The following PCGF5 variants were observed in gnomAD, a reference collection of about 807,000 sequenced individuals.
The protein encoded by PCGF5 is polycomb group RING finger protein 5.
In PCGF5, 9 loss-of-function variants were observed where a neutral mutation model predicts 44.3. The observed-to-expected ratio is 0.20, with a 90% CI of 0.12 to 0.35. The LOEUF (loss-of-function observed/expected upper bound fraction) is 0.35, where lower values mean the gene tolerates loss of function less well. Ranked by LOEUF, PCGF5 falls within the 10% of genes least tolerant of loss-of-function variation. The pLI, the probability that PCGF5 is intolerant of heterozygous loss-of-function variation, is 1.00. For synonymous variants in PCGF5, 95 were observed against 102.5 expected, an observed-to-expected ratio of 0.93 and a Z score of 0.44; for missense variants, 146 against 305.3, an observed-to-expected ratio of 0.48 and a Z score of 3.89.
chr10:91,196,976 A>G (rs1338775020), intron 1 of PCGF5, among the ~76,000 whole-genome samples: 2 of 152,208 alleles, frequency 1.3e-5, no homozygotes, highest in Non-Finnish European at 2.9e-5. Flanking sequence ...TATCCTGTGC[A>G]TGATGTGGAA....
chr10:91,178,307 A>G (rs781082798), intron 1 of PCGF5, among the ~76,000 whole-genome samples: 3 of 152,128 alleles, frequency 2.0e-5, no homozygotes, highest in Non-Finnish European at 2.9e-5. Context: ...GTCAGAAGAA[A>G]TTGCTAAAAT....
intron 6 of PCGF5, among the ~76,000 whole-genome samples, chr10:91,252,522 T>C (rs773157543): frequency 6.6e-6 from 1 of 152,054 alleles, no homozygotes; most frequent in Non-Finnish European, 1.5e-5. Flanking sequence ...TTAGGTCTTA[T>C]ACATACAAAT....
intron 1 of PCGF5, among the ~76,000 whole-genome samples, chr10:91,163,853 A>C (rs2133151973): frequency 2.0e-5 from 3 of 150,502 alleles, no homozygotes; most frequent in African/African-American, 4.9e-5. Context: ...GTGGGGGGGC[A>C]CGGACGGACG....
intron 9 of PCGF5, among the ~76,000 whole-genome samples, chr10:91,277,289 T>A (rs529066551): frequency 1.3e-5 from 2 of 152,350 alleles, no homozygotes; most frequent in South Asian, 4.1e-4. Flanking sequence ...TATGAAAGAA[T>A]ACAAAGTTCT....
chr10:91,256,526 A>G (rs895636331), intron 6 of PCGF5, among the ~76,000 whole-genome samples: 1 of 152,094 alleles, frequency 6.6e-6, no homozygotes, highest in Non-Finnish European at 1.5e-5. Context: ...CAGAAAGTAT[A>G]TTTGAAGAAA....
intron 7 of PCGF5, among the ~76,000 whole-genome samples, chr10:91,261,724 A>G (rs1845915522): frequency 6.6e-6 from 1 of 152,236 alleles, no homozygotes; most frequent in South Asian, 2.1e-4. Context: ...AAATGTATTC[A>G]TGCCTTAGGG....
chr10:91,187,196 C>T (rs571010754), intron 1 of PCGF5, among the ~76,000 whole-genome samples: 18 of 152,146 alleles, frequency 1.2e-4, no homozygotes, highest in East Asian at 7.7e-4. Context: ...TATAGTGATT[C>T]GGATTTAATT....
chr10:91,221,680 A>G (rs55909211), intron 1 of PCGF5, among the ~76,000 whole-genome samples: 4,232 of 151,284 alleles, frequency 0.028, 183 homozygotes, highest in African/African-American at 0.098. Context: ...GAAAATCAAC[A>G]CCTTTCATGT....
chr10:91,282,825 T>C lies in PCGF5; in HGVS notation c.*4509T>C, dbSNP rs1002120966. ...AAGATATTGGTTGGTAGTAGGAACTTCAAAAATGAATGAGTTTGCCATAAC... is the reference window on the plus strand; with the variant it reads ...AAGATATTGGTTGGTAGTAGGAACTCCAAAAATGAATGAGTTTGCCATAAC... On this transcript the variant is annotated 3_prime_UTR_variant, in exon 10 of 10. Coordinates refer to ENST00000336126, the MANE Select transcript of PCGF5 (RefSeq NM_032373.5). 6.6e-6 allele frequency: 1 copy of C among 152,612 alleles called. No homozygotes were observed. The highest frequency in any genetic ancestry group is 1.5e-5 in the Non-Finnish European group (1 of 68,034). 9.5% of individuals were successfully genotyped at this position (152,612 alleles called of 1,614,324 possible).
intron 1 of PCGF5, among the ~76,000 whole-genome samples, chr10:91,196,577 AC>A (rs1387922856): frequency 1.3e-5 from 2 of 152,110 alleles, no homozygotes; most frequent in Non-Finnish European, 2.9e-5. Flanking sequence ...TTTCCTTACT[AC>A]CTTGACAAAA....
intron 8 of PCGF5, among the ~76,000 whole-genome samples, chr10:91,271,215 T>C (rs1395422543): frequency 6.6e-6 from 1 of 151,982 alleles, no homozygotes; most frequent in East Asian, 1.9e-4. Flanking sequence ...TCCACGTCCC[T>C]CCCAGAGCTC....
At chr10:91,238,830 A>G (rs747025050) in intron 2 of PCGF5, among the ~76,000 whole-genome samples, 1 of 151,948 alleles carries the variant, frequency 6.6e-6, no homozygotes, top group African/African-American at 2.4e-5. Flanking sequence ...GGAAGAAGGC[A>G]AAGTATTCAA....
At chr10:91,263,471 G>T (rs1845973872) in intron 7 of PCGF5, among the ~76,000 whole-genome samples, 1 of 152,072 alleles carries the variant, frequency 6.6e-6, no homozygotes, top group African/African-American at 2.4e-5. Context: ...TCATCTTAAA[G>T]TTCAAAACTG....
chr10:91,200,327 C>T (rs11186496), intron 1 of PCGF5, among the ~76,000 whole-genome samples: 77,337 of 152,096 alleles, frequency 0.51, 24,252 homozygotes, highest in Non-Finnish European at 0.7. Flanking sequence ...GACCAGGGTT[C>T]TTTATGCTGA....
chr10:91,216,436 G>A (rs988040795), upstream of PCGF5, among the ~76,000 whole-genome samples: 2 of 152,144 alleles, frequency 1.3e-5, no homozygotes, highest in Non-Finnish European at 2.9e-5. Flanking sequence ...AAGTGGGGGT[G>A]GGGAGGCTGT....
At chr10:91,274,187 T>G (rs888238316) in intron 9 of PCGF5, among the ~76,000 whole-genome samples, 1 of 152,122 alleles carries the variant, frequency 6.6e-6, no homozygotes, top group Admixed American at 6.6e-5. Context: ...AATTATAAAG[T>G]TAAATGTAAT....
At chr10:91,165,794 A>G (rs140282281) in intron 1 of PCGF5, among the ~76,000 whole-genome samples, 1 of 152,352 alleles carries the variant, frequency 6.6e-6, no homozygotes, top group East Asian at 1.9e-4. Context: ...AAGGATGTGT[A>G]TGTCATATTT....
intron 5 of PCGF5, among the ~76,000 whole-genome samples, chr10:91,250,858 A>G (rs1190859536): frequency 6.6e-6 from 1 of 151,742 alleles, no homozygotes; most frequent in Non-Finnish European, 1.5e-5. Flanking sequence ...TGAGAACTTA[A>G]TTTTATCATT....
intron 1 of PCGF5, among the ~76,000 whole-genome samples, chr10:91,192,882 A>T (rs1274413977): frequency 6.6e-6 from 1 of 152,176 alleles, no homozygotes; most frequent in African/African-American, 2.4e-5. Flanking sequence ...AATCCTTGGG[A>T]CCTGTAAATA....
Sources: allele counts gnomAD v4.1 joint callset (sites outside exome capture counted in the v4.1 genomes callset), GRCh38; gene constraint gnomAD v4.1.1; transcripts MANE v1.5; gene names NCBI Gene and HGNC (gene_info 2026-07-23, HGNC 2026-07-21).